The following CCDC7 variants were observed in gnomAD, a reference collection of about 807,000 sequenced individuals.
CCDC7 encodes coiled-coil domain containing 7.
A neutral mutation model predicts 196.9 loss-of-function variants in CCDC7; 183 were observed. The ratio of observed to expected loss-of-function variants is 0.93; its 90% CI spans 0.82 to 1.05. The LOEUF (loss-of-function observed/expected upper bound fraction) is 1.05. Among genes scored for constraint, CCDC7 ranks in the 50% least tolerant of loss-of-function variants. The pLI, the probability that CCDC7 is intolerant of heterozygous loss-of-function variation, is 0.00. For missense variants in CCDC7, 1,540 were observed against 1,482.2 expected (o/e 1.04, Z -0.64); for synonymous variants, 525 against 484.6 (o/e 1.08, Z -1.10).
In CCDC7 at chr10:32,805,316, T is replaced by C. The variant is rs868460304; in HGVS notation, c.3097+218T>C. Among the ~76,000 whole-genome samples, 77 of 152,312 alleles carry C rather than the reference T, an allele frequency of 5.1e-4. No individual in the cohort carries two copies. The Middle Eastern group carries it at 0.01, about 20-fold the overall frequency. ...TTTTAGGACTCATCCATTTAGAAAG[T>C]AATCCATAAAATAATATAGTATAGT... On this transcript the variant is annotated intron_variant, in intron 30 of 41. Coordinates refer to ENST00000639629, the Ensembl canonical transcript of CCDC7.
chr10:32,633,570 C>T (rs1206517378), intron 18 of CCDC7, among the ~76,000 whole-genome samples: 1 of 151,932 alleles, frequency 6.6e-6, no homozygotes, highest in Non-Finnish European at 1.5e-5. Flanking sequence ...GAATATTTGT[C>T]AAATTTTTAT....
intron 8 of CCDC7, among the ~76,000 whole-genome samples, chr10:32,480,595 T>A (rs2039790155): frequency 6.6e-6 from 1 of 151,886 alleles, no homozygotes; most frequent in Non-Finnish European, 1.5e-5. Flanking sequence ...ATTTTTTGAT[T>A]TCTTTTTGAT....
chr10:32,461,730 TGTATATATATATATATATATAC>T (rs1302690652), intron 3 of CCDC7, among the ~76,000 whole-genome samples: 344 of 25,454 alleles, frequency 0.014, 2 homozygotes, highest in East Asian at 0.092. Flanking sequence ...TATATATATA[TGTATATATATATATATATATAC>T]ATATATATAT....
chr10:32,770,687 G>A (rs2079034404), intron 28 of CCDC7, among the ~76,000 whole-genome samples: 1 of 152,124 alleles, frequency 6.6e-6, no homozygotes, highest in Non-Finnish European at 1.5e-5. Context: ...TTGTCTCAAA[G>A]ATCTTTTGAG....
At chr10:32,821,953 A>G (rs2090315689) in intron 31 of CCDC7, among the ~76,000 whole-genome samples, 1 of 152,116 alleles carries the variant, frequency 6.6e-6, no homozygotes, top group Non-Finnish European at 1.5e-5. Context: ...TAAAACTTAA[A>G]GTATAACAAA....
intron 41 of CCDC7, among the ~76,000 whole-genome samples, chr10:32,873,237 C>A (rs1565781041): frequency 2.0e-5 from 3 of 151,974 alleles, no homozygotes; most frequent in South Asian, 2.1e-4. Context: ...TTGTTCATTT[C>A]TTTTTATTCT....
intron 29 of CCDC7, among the ~76,000 whole-genome samples, chr10:32,790,581 C>T (rs1234760000): frequency 1.3e-5 from 2 of 152,206 alleles, no homozygotes; most frequent in Non-Finnish European, 2.9e-5. Context: ...GTTACCTCCT[C>T]TCTCAATGCC....
At chr10:32,743,622 A>C (rs979812792) in intron 28 of CCDC7, among the ~76,000 whole-genome samples, 2 of 152,204 alleles carry the variant, frequency 1.3e-5, no homozygotes, top group Non-Finnish European at 2.9e-5. Flanking sequence ...CATTTGACCC[A>C]GCCATCCCAT....
chr10:32,728,800 A>G (rs2083482918), intron 26 of CCDC7, 87 bp from the exon 28 acceptor site: 2 of 680,968 alleles, frequency 2.9e-6, no homozygotes, highest in East Asian at 6.1e-5. Flanking sequence ...TTTACTTATA[A>G]CTTTATAAAA....
intron 39 of CCDC7, among the ~76,000 whole-genome samples, chr10:32,850,774 A>AAC (rs59662474): frequency 0.038 from 5,529 of 146,586 alleles, 162 homozygotes; most frequent in African/African-American, 0.091. Flanking sequence ...TGTCTCTGAC[A>AAC]ACACACACAC....
At chr10:32,660,986 A>C in intron 20 of CCDC7, among the ~76,000 whole-genome samples, 3 of 137,170 alleles carry the variant, frequency 2.2e-5, no homozygotes, top group Admixed American at 7.5e-5. Flanking sequence ...GGATCTAATT[A>C]AACTAAAGAG....
chr10:32,485,394 T>C (rs1163512662), intron 8 of CCDC7, among the ~76,000 whole-genome samples: 5 of 152,350 alleles, frequency 3.3e-5, no homozygotes, highest in African/African-American at 1.2e-4. Context: ...TTTTCTTCTT[T>C]ATTAGTCTTG....
intron 31 of CCDC7, among the ~76,000 whole-genome samples, chr10:32,817,641 A>G (rs578242418): frequency 5.9e-5 from 9 of 152,248 alleles, no homozygotes; most frequent in Non-Finnish European, 8.8e-5. Context: ...CTGATCTCTC[A>G]GCAGAAACTC....
intron 32 of CCDC7, among the ~76,000 whole-genome samples, chr10:32,827,650 G>T (rs1274635325): frequency 6.6e-6 from 1 of 151,698 alleles, no homozygotes; most frequent in Non-Finnish European, 1.5e-5. Flanking sequence ...GTCTGGGGGT[G>T]GGGGGCTGGG....
chr10:32,550,111 C>G (rs2053214212), intron 13 of CCDC7, among the ~76,000 whole-genome samples: 1 of 148,770 alleles, frequency 6.7e-6, no homozygotes, highest in Admixed American at 6.7e-5. Context: ...TGTAGTTTTC[C>G]TTGTAGATGT....
chr10:32,626,938 G>A (rs976179905), intron 18 of CCDC7, among the ~76,000 whole-genome samples: 3 of 151,622 alleles, frequency 2.0e-5, no homozygotes, highest in Non-Finnish European at 4.4e-5. Flanking sequence ...GTACCATGCT[G>A]TTTTAATTAC....
intron 20 of CCDC7, among the ~76,000 whole-genome samples, chr10:32,652,419 A>G (rs373808451): frequency 6.6e-6 from 1 of 152,078 alleles, no homozygotes; most frequent in Non-Finnish European, 1.5e-5. Context: ...CATGGTTATT[A>G]TGCATAATTA....
At chr10:32,777,032 T>C (rs1418274831) in intron 28 of CCDC7, among the ~76,000 whole-genome samples, 2 of 152,084 alleles carry the variant, frequency 1.3e-5, no homozygotes, top group Non-Finnish European at 1.5e-5. Flanking sequence ...ACCCAAGAGG[T>C]CATTTTACCC....
At chr10:32,578,389 A>G (rs1006910747) in intron 16 of CCDC7, among the ~76,000 whole-genome samples, 5 of 151,656 alleles carry the variant, frequency 3.3e-5, no homozygotes, top group Admixed American at 3.3e-4. Flanking sequence ...ACACTTTATT[A>G]TTATTATTAT....
Sources: gnomAD v4.1 joint callset for allele counts (sites outside exome capture counted in the v4.1 genomes callset) on GRCh38, gnomAD v4.1.1 for gene constraint, MANE v1.5 for transcripts, NCBI Gene and HGNC (gene_info 2026-07-23, HGNC 2026-07-21) for gene names.